CEP170: variants seen among roughly 807,000 people sequenced by gnomAD.
CEP170 encodes the protein centrosomal protein 170.
Under a neutral mutation model 151.9 loss-of-function variants are expected in CEP170, and 21 were observed. The ratio of observed to expected loss-of-function variants is 0.14; its 90% confidence interval spans 0.10 to 0.20. CEP170 has a LOEUF of 0.20. Among genes scored for constraint, CEP170 ranks in the 10% least tolerant of loss-of-function variants. CEP170 has a pLI of 1.00. For synonymous variants in CEP170, 356 were observed against 648.8 expected, an observed-to-expected ratio of 0.55 and a Z score of 6.86; for missense variants, 964 against 1,892.9, an observed-to-expected ratio of 0.51 and a Z score of 9.11.
intron 1 of CEP170, among the ~76,000 whole-genome samples, chr1:243,239,645 C>G (rs1314991850): frequency 6.6e-6 from 1 of 152,110 alleles, no homozygotes; most frequent in East Asian, 1.9e-4. Context: ...CTATGCTGTC[C>G]CAAGACCTTT....
rs367826782 is a variant in CEP170, at chr1:243,164,952, G to A, written c.3008C>T (p.Ala1003Val). ...GGACTGAACAAATTTACGACCATCT[G>A]CTCTTGAACCCACATCTGTGGAACG... Reference protein sequence around the residue: ...KSRSTDVGSRADGRKFVQSSG... With the variant: ...KSRSTDVGSRVDGRKFVQSSG... Residue 1003 changes from alanine (A) to valine (V), a missense_variant, in exon 13 of 20, where the codon GCA becomes GTA. Ala to Val is a moderately conservative substitution (Grantham distance 64). Transcript: ENST00000366542. 3 of 1,613,754 alleles carry A rather than the reference G, an allele frequency of 1.9e-6. No individual in the cohort carries two copies. The African/African-American group carries it at 4.0e-5, about 22-fold the overall frequency.
chr1:243,155,676 T>A (rs1336006289), intron 14 of CEP170, among the ~76,000 whole-genome samples: 2 of 152,152 alleles, frequency 1.3e-5, no homozygotes, highest in Non-Finnish European at 2.9e-5. Flanking sequence ...TTTTTGTACA[T>A]AATCTAAAGG....
At chr1:243,196,097 A>G (rs560423939) in intron 7 of CEP170, among the ~76,000 whole-genome samples, 2 of 152,240 alleles carry the variant, frequency 1.3e-5, no homozygotes, top group South Asian at 4.1e-4. Flanking sequence ...TTCACATTTG[A>G]AATTTATTTT....
intron 10 of CEP170, among the ~76,000 whole-genome samples, chr1:243,180,452 A>G (rs2059548811): frequency 6.6e-6 from 1 of 152,226 alleles, no homozygotes; most frequent in Admixed American, 6.5e-5. Context: ...GTAGAAATTA[A>G]AAAGAAAAAA....
chr1:243,186,115 C>T (rs752009088), intron 9 of CEP170, 43 bp from the exon 10 acceptor site: 98 of 1,613,272 alleles, frequency 6.1e-5, no homozygotes, highest in Middle Eastern at 1.6e-4. Context: ...CTGTTGGAGA[C>T]TTTGCTTTCT....
chr1:243,175,600 G>GA (rs926687142), intron 10 of CEP170, among the ~76,000 whole-genome samples: 3 of 152,098 alleles, frequency 2.0e-5, no homozygotes, highest in South Asian at 2.1e-4. Flanking sequence ...CCTACAGTCT[G>GA]AAAAAAGAGC....
At chr1:243,228,593 C>T (rs139195165) in intron 1 of CEP170, among the ~76,000 whole-genome samples, 1 of 152,106 alleles carries the variant, frequency 6.6e-6, no homozygotes, top group African/African-American at 2.4e-5. Context: ...CATGAATAAA[C>T]AGGTCAACAG....
chr1:243,212,704 T>C (rs200807220), intron 3 of CEP170, among the ~76,000 whole-genome samples: 4 of 125,008 alleles, frequency 3.2e-5, no homozygotes, highest in South Asian at 5.5e-4. Context: ...CTCTCTCTCT[T>C]TCTTTCAGGG....
In CEP170 at chr1:243,136,408, C is replaced by G. The variant is rs971278739; in HGVS notation, c.4231-177G>C. The stretch of plus-strand genomic sequence containing the variant: ...AACTAAAATGAGAAAGTGAAAGAAA[C>G]ACTATTAACAAAGGAGTTCTTATTA... On this transcript the variant is annotated intron_variant, in intron 16 of 19. Transcript: ENST00000366542. The G allele has an allele frequency of 6.9e-6, 6 of 869,774 alleles. No homozygotes were observed. In the African/African-American group the frequency reaches 1.0e-4, roughly 15 times the overall value. 53.9% of individuals were successfully genotyped at this position (869,774 alleles called of 1,614,324 possible). A position where few individuals can be genotyped will look rare whatever the true frequency, so the allele number is the denominator to read the frequency against.
At chr1:243,235,364 T>A in intron 1 of CEP170, among the ~76,000 whole-genome samples, 1 of 152,176 alleles carries the variant, frequency 6.6e-6, no homozygotes, top group Non-Finnish European at 1.5e-5. Context: ...GCACACATAA[T>A]GAAATATACT....
intron 1 of CEP170, among the ~76,000 whole-genome samples, chr1:243,254,114 G>C (rs1321917395): frequency 6.6e-6 from 1 of 151,980 alleles, no homozygotes; most frequent in African/African-American, 2.4e-5. Context: ...ACGTCACCTA[G>C]TAATTTTATA....
intron 12 of CEP170, among the ~76,000 whole-genome samples, chr1:243,168,898 A>G (rs2058630883): frequency 6.6e-6 from 1 of 151,832 alleles, no homozygotes; most frequent in Non-Finnish European, 1.5e-5. Context: ...CTTTTTCACT[A>G]AATGTACCAC....
intron 1 of CEP170, among the ~76,000 whole-genome samples, chr1:243,244,990 A>G (rs2065232107): frequency 6.6e-6 from 1 of 152,224 alleles, no homozygotes; most frequent in African/African-American, 2.4e-5. Flanking sequence ...TTGGGTAAAA[A>G]TAACAAATTT....
At chr1:243,222,976 A>C (rs1299035508) in intron 2 of CEP170, among the ~76,000 whole-genome samples, 2 of 152,232 alleles carry the variant, frequency 1.3e-5, no homozygotes, top group Admixed American at 1.3e-4. Flanking sequence ...AAATCTAAAA[A>C]TTGCTTAAAA....
intron 4 of CEP170, among the ~76,000 whole-genome samples, chr1:243,210,385 C>A (rs1274840103): frequency 6.6e-6 from 1 of 151,896 alleles, no homozygotes; most frequent in Admixed American, 6.6e-5. Flanking sequence ...GAAACTTAGG[C>A]TGGTAGAAAA....
Position 243,139,981 on chromosome 1 carries a change from C to T in CEP170, c.4186G>A (p.Asp1396Asn). 2.5e-6 allele frequency: 4 copies of T among 1,613,462 alleles called. No homozygotes were observed. The highest frequency in any genetic ancestry group is 1.7e-5 in the Admixed American group (1 of 59,980). The change falls in exon 16 of 20, where the codon GAT becomes AAT. Residue 1396 changes from aspartate to asparagine, a missense_variant. Physicochemically the swap from Asp to Asn is conservative, Grantham distance 23 (BLOSUM62 1). Coordinates refer to ENST00000366542, the MANE Select transcript of CEP170 (RefSeq NM_014812.3). ...DPRPQAAEPP[D>N]HLTITRRRTW... is the part of the protein sequence containing the mutation. ...CTCCGCCTTGTAATTGTTAAGTGAT[C>T]GGGAGGCTCTGCTGCTTGAGGTCTT...
At chr1:243,191,833 T>G (rs2060323369) in intron 7 of CEP170, among the ~76,000 whole-genome samples, 1 of 152,078 alleles carries the variant, frequency 6.6e-6, no homozygotes, top group South Asian at 2.1e-4. Context: ...AAATAAAATG[T>G]AGATGGAGAT....
At chr1:243,206,258 G>A (rs984827613) in intron 4 of CEP170, among the ~76,000 whole-genome samples, 17 of 151,942 alleles carry the variant, frequency 1.1e-4, no homozygotes, top group Non-Finnish European at 1.3e-4. Context: ...CTCAGCATCC[G>A]GAGTAGCTGG....
chr1:243,234,197 A>C (rs1264852428), intron 1 of CEP170, among the ~76,000 whole-genome samples: 1 of 152,208 alleles, frequency 6.6e-6, no homozygotes, highest in Non-Finnish European at 1.5e-5. Flanking sequence ...CACAGTAGAG[A>C]AAGAAATAGC....
Sources: allele counts gnomAD v4.1 joint callset (sites outside exome capture counted in the v4.1 genomes callset), GRCh38; gene constraint gnomAD v4.1.1; transcripts MANE v1.5; gene names NCBI Gene and HGNC (gene_info 2026-07-23, HGNC 2026-07-21).